COG5: variants seen among roughly 807,000 people sequenced by gnomAD.
The protein encoded by COG5 is component of oligomeric golgi complex 5.
A neutral mutation model predicts 110.4 loss-of-function variants in COG5; 86 were observed. The ratio of observed to expected loss-of-function variants is 0.78; its 90% confidence interval spans 0.65 to 0.93. The LOEUF (loss-of-function observed/expected upper bound fraction) is 0.93. COG5 is among the 40% of genes least tolerant of loss of function. The pLI is 0.00. For missense variants in COG5, 1,077 were observed against 987.0 expected (o/e 1.09, Z -1.22); for synonymous variants, 360 against 334.6 (o/e 1.08, Z -0.83).
intron 7 of COG5, among the ~76,000 whole-genome samples, chr7:107,384,613 T>C (rs1267382422): frequency 6.6e-6 from 1 of 152,174 alleles, no homozygotes; most frequent in African/African-American, 2.4e-5. Context: ...ACCCCATCGT[T>C]AGCTGAACTA....
At chr7:107,490,069 G>T (rs1335626124) in intron 6 of COG5, among the ~76,000 whole-genome samples, 1 of 152,118 alleles carries the variant, frequency 6.6e-6, no homozygotes, top group Non-Finnish European at 1.5e-5. Flanking sequence ...ATTATATGAT[G>T]TAGTTATTTT....
intron 6 of COG5, 26 bp downstream of exon 6, chr7:107,527,207 CTTTT>C (rs1800829430): frequency 6.7e-6 from 10 of 1,496,844 alleles, no homozygotes; most frequent in South Asian, 3.8e-5. Flanking sequence ...TCTCTACTAA[CTTTT>C]TATTTAAAAA....
At chr7:107,253,618 T>C (rs1472801627) in intron 16 of COG5, among the ~76,000 whole-genome samples, 1 of 152,148 alleles carries the variant, frequency 6.6e-6, no homozygotes, top group Non-Finnish European at 1.5e-5. Context: ...GTATACTCAA[T>C]ATTAATTATG....
rs1016339557 is a variant in COG5, at chr7:107,211,135, G to A, written c.2259C>T (p.Phe753=). The change falls in exon 20 of 22, where the codon TTC becomes TTT. Residue 753 remains phenylalanine (F), a synonymous_variant. Coordinates refer to ENST00000297135, the MANE Select transcript of COG5 (RefSeq NM_006348.5). ...IPFSIIIQFL[F]TRAPAELKSP... is the part of the protein sequence containing the mutation. ...ATTTCAGTTCAGCGGGTGCTCTCGT[G>A]AACAAAAACTGAATAATGATGCTGA... 6 of 1,614,078 alleles carry A rather than the reference G, an allele frequency of 3.7e-6. No individual in the cohort carries two copies. The highest frequency in any genetic ancestry group is 5.1e-6 in the Non-Finnish European group (6 of 1,180,000).
At chr7:107,429,459 G>GTT (rs879327523) in intron 6 of COG5, among the ~76,000 whole-genome samples, 9 of 142,560 alleles carry the variant, frequency 6.3e-5, no homozygotes, top group Admixed American at 1.4e-4. Context: ...TCTTTGCCCA[G>GTT]TTTTTTTTTT....
At chr7:107,211,009 GC>G in intron 20 of COG5, 89 bp downstream of exon 20, 1 of 1,438,580 alleles carries the variant, frequency 7.0e-7, no homozygotes, top group Non-Finnish European at 9.7e-7. Flanking sequence ...GCAGCAGAGG[GC>G]CAGGAATCAT....
At chr7:107,542,555 A>G (rs900663122) in intron 5 of COG5, among the ~76,000 whole-genome samples, 13 of 152,362 alleles carry the variant, frequency 8.5e-5, no homozygotes, top group African/African-American at 3.1e-4. Context: ...ATGAGCCAAC[A>G]TATATTTGTA....
intron 16 of COG5, 52 bp from the exon 17 acceptor site, chr7:107,248,551 A>T (rs1475947472): frequency 8.0e-7 from 1 of 1,248,946 alleles, no homozygotes; most frequent in Non-Finnish European, 1.2e-6. Context: ...AAAGAAAAAC[A>T]ACCCAAAGAA....
At position 107,445,467 on chromosome 7, in the gene COG5, G is replaced by A. The variant is rs144302127; in HGVS notation, c.539-32835C>T. Among the ~76,000 whole-genome samples the A allele has an allele frequency of 8.9e-3, 1,360 of 152,232 alleles. 11 individuals are homozygous for A. The highest frequency in any genetic ancestry group is 0.014 in the Non-Finnish European group (981 of 68,006). On this transcript the variant is annotated intron_variant, in intron 6 of 21. Transcript: ENST00000297135. ...TACTTATGATGAGCATACACAAACT[G>A]AAAGCAATTCTTCAACACATAAGAG... is the stretch of plus-strand genomic sequence containing the variant.
At chr7:107,489,861 G>A (rs975780705) in intron 6 of COG5, among the ~76,000 whole-genome samples, 3 of 151,986 alleles carry the variant, frequency 2.0e-5, no homozygotes, top group South Asian at 2.1e-4. Flanking sequence ...ATCCGGGAAC[G>A]CTATGTAATC....
chr7:107,376,404 AT>A (rs1814641437), intron 7 of COG5, among the ~76,000 whole-genome samples: 1 of 151,998 alleles, frequency 6.6e-6, no homozygotes, highest in Non-Finnish European at 1.5e-5. Flanking sequence ...GAGTTCTCAA[AT>A]CCATGAATAT....
intron 5 of COG5, chr7:107,547,879 A>T (rs1038318156): frequency 6.4e-5 from 31 of 486,292 alleles, no homozygotes; most frequent in Non-Finnish European, 1.1e-4. Flanking sequence ...AAGAAATTGA[A>T]GAAGATATAA....
At chr7:107,290,677 C>T (rs905987606) in intron 12 of COG5, among the ~76,000 whole-genome samples, 1 of 152,156 alleles carries the variant, frequency 6.6e-6, no homozygotes, top group African/African-American at 2.4e-5. Context: ...GACAGCTTTA[C>T]TGGACATGGG....
Position 107,211,979 on chromosome 7 carries a change from A to AT in COG5, c.2169-755dup, listed in dbSNP as rs199572278. On this transcript the variant is annotated intron_variant, in intron 19 of 21. Coordinates refer to ENST00000297135, the MANE Select transcript of COG5 (RefSeq NM_006348.5). ...AGATGGCAGCAACATCTCTTGACAG[A>AT]TGAGATAATGATTCTGAACCATGTA... is the stretch of plus-strand genomic sequence containing the variant. Among the ~76,000 whole-genome samples, 922 of 152,326 alleles carry AT rather than the reference A, an allele frequency of 6.1e-3. 11 individuals are homozygous for AT. The highest frequency in any genetic ancestry group is 0.022 in the African/African-American group (899 of 41,574).
chr7:107,369,173 AAC>A (rs1250797400), intron 8 of COG5, among the ~76,000 whole-genome samples: 1 of 152,142 alleles, frequency 6.6e-6, no homozygotes, highest in Admixed American at 6.5e-5. Context: ...CACATGCAAA[AAC>A]AATTTAATAT....
intron 6 of COG5, among the ~76,000 whole-genome samples, chr7:107,485,705 T>C: frequency 6.6e-6 from 1 of 152,190 alleles, no homozygotes; most frequent in East Asian, 1.9e-4. Flanking sequence ...TCCATTATGA[T>C]AGCACTTAGC....
chr7:107,332,703 G>A (rs943094427), intron 10 of COG5, among the ~76,000 whole-genome samples: 10 of 152,126 alleles, frequency 6.6e-5, no homozygotes, highest in East Asian at 1.9e-4. Context: ...CATCAAGGGT[G>A]TGGGGCAAAA....
intron 6 of COG5, among the ~76,000 whole-genome samples, chr7:107,478,155 T>C (rs1584875599): frequency 6.6e-6 from 1 of 152,010 alleles, no homozygotes. Context: ...GTATTTTAAA[T>C]ACCAACCAAA....
At chr7:107,298,763 A>G (rs1806985643) in intron 11 of COG5, among the ~76,000 whole-genome samples, 1 of 152,190 alleles carries the variant, frequency 6.6e-6, no homozygotes, top group African/African-American at 2.4e-5. Flanking sequence ...TGGAATATTT[A>G]CCAAGATCAA....
Sources: gnomAD v4.1 joint callset for allele counts (sites outside exome capture counted in the v4.1 genomes callset) on GRCh38, gnomAD v4.1.1 for gene constraint, MANE v1.5 for transcripts, NCBI Gene and HGNC (gene_info 2026-07-23, HGNC 2026-07-21) for gene names.